Variants in CTNNA3 observed in about 807,000 individuals in gnomAD.
CTNNA3 encodes catenin alpha 3.
CTNNA3 carries 76 observed loss-of-function variants against 95.7 expected under a neutral mutation model. The ratio of observed to expected loss-of-function variants is 0.79; its 90% CI spans 0.66 to 0.96. CTNNA3 has a LOEUF of 0.96. Among genes scored for constraint, CTNNA3 ranks in the 40% least tolerant of loss-of-function variants. The pLI is 0.00. For synonymous variants in CTNNA3, 431 were observed against 374.4 expected (o/e 1.15, Z -1.74); for missense variants, 1,191 against 1,089.8 (o/e 1.09, Z -1.31).
intron 7 of CTNNA3, among the ~76,000 whole-genome samples, chr10:66,938,570 A>G (rs1056088736): frequency 2.0e-5 from 3 of 152,134 alleles, no homozygotes; most frequent in African/African-American, 7.2e-5. Flanking sequence ...GGAGATAGAG[A>G]AGCGATCGGT....
intron 7 of CTNNA3, among the ~76,000 whole-genome samples, chr10:66,802,688 A>T (rs1312154510): frequency 1.3e-5 from 2 of 151,828 alleles, no homozygotes; most frequent in Non-Finnish European, 2.9e-5. Flanking sequence ...AAATATTCAT[A>T]GCCATCTGAA....
At chr10:66,845,703 C>CAAAAAAAAAAAAAAACAA (rs1843224076) in intron 7 of CTNNA3, among the ~76,000 whole-genome samples, 2 of 23,548 alleles carry the variant, frequency 8.5e-5, no homozygotes, top group Non-Finnish European at 2.5e-4. Flanking sequence ...AACTCTGTCT[C>CAAAAAAAAAAAAAAACAA]AAAAAAAAAA....
intron 1 of CTNNA3, among the ~76,000 whole-genome samples, chr10:67,705,639 G>C (rs996341237): frequency 2.9e-5 from 3 of 102,804 alleles, no homozygotes; most frequent in Non-Finnish European, 5.6e-5. Flanking sequence ...GGGGTGGGGG[G>C]AGGGGGGAGG....
chr10:66,328,903 CATATATACATATATATATATATAT>C (rs1411029814), intron 12 of CTNNA3, among the ~76,000 whole-genome samples: 3 of 38,766 alleles, frequency 7.7e-5, no homozygotes, highest in Admixed American at 8.0e-4. Context: ...CACACACACA[CATATATACATATATATATATATAT>C]ATATATACAC....
At chr10:66,096,559 G>C (rs1033295419) in intron 14 of CTNNA3, among the ~76,000 whole-genome samples, 1 of 129,474 alleles carries the variant, frequency 7.7e-6, no homozygotes, top group African/African-American at 2.9e-5. Flanking sequence ...CTCTCACTCT[G>C]TCACCCAGGC....
chr10:66,199,024 T>C lies in CTNNA3; in HGVS notation c.1884+81446A>G, dbSNP rs183537646. 6.6e-5 allele frequency among the ~76,000 whole-genome samples: 10 copies of C among 152,344 alleles called. No individual in the cohort carries two copies. The East Asian group carries it at 1.7e-3, about 26-fold the overall frequency. ...TGAAAATCAAATCTGCCTTTTATCC[T>C]GCCCAAGACAAGTTTTCCTTTTTTG... On this transcript the variant is annotated intron_variant, in intron 13 of 17. Coordinates refer to ENST00000433211, the MANE Select transcript of CTNNA3 (RefSeq NM_013266.4).
chr10:66,259,079 C>T (rs1215089257), intron 13 of CTNNA3, among the ~76,000 whole-genome samples: 7 of 152,104 alleles, frequency 4.6e-5, no homozygotes, highest in Non-Finnish European at 8.8e-5. Flanking sequence ...AATCTTTGGT[C>T]TCTGCCTTTT....
chr10:67,707,038 C>A (rs895286769), intron 1 of CTNNA3, among the ~76,000 whole-genome samples: 8 of 152,132 alleles, frequency 5.3e-5, no homozygotes, highest in Non-Finnish European at 7.4e-5. Context: ...TTCATTCATT[C>A]TTTTCCCTCA....
upstream of CTNNA3, among the ~76,000 whole-genome samples, chr10:67,697,481 G>C (rs1259117929): frequency 6.6e-6 from 1 of 152,146 alleles, no homozygotes; most frequent in African/African-American, 2.4e-5. Flanking sequence ...CATAAGCCTA[G>C]CTTGTCCTGC....
At position 66,038,064 on chromosome 10, in the gene CTNNA3, A is replaced by C. The variant is rs372275002; in HGVS notation, c.2159+31244T>G. Among the ~76,000 whole-genome samples, 72 of 152,338 alleles carry C rather than the reference A, an allele frequency of 4.7e-4. 1 individual carries two copies. The South Asian group carries it at 0.015, about 31-fold the overall frequency. ...AAAATAACATCATTGTCTGTAATAC[A>C]ACTCCACAGGAATACAAGACAAATG... On this transcript the variant is annotated intron_variant, in intron 15 of 17. Transcript: ENST00000433211.
intron 5 of CTNNA3, among the ~76,000 whole-genome samples, chr10:67,383,052 T>C (rs895776122): frequency 6.6e-6 from 1 of 152,144 alleles, no homozygotes; most frequent in African/African-American, 2.4e-5. Context: ...ACTCCATAAG[T>C]TGTTAATGCA....
intron 7 of CTNNA3, among the ~76,000 whole-genome samples, chr10:66,995,986 C>T (rs1027546143): frequency 3.3e-5 from 5 of 152,066 alleles, no homozygotes; most frequent in African/African-American, 1.2e-4. Flanking sequence ...TTCACATTAC[C>T]TTACTATTAT....
chr10:67,617,182 AGTT>A (rs1843682892), intron 2 of CTNNA3, among the ~76,000 whole-genome samples: 1 of 152,198 alleles, frequency 6.6e-6, no homozygotes, highest in Non-Finnish European at 1.5e-5. Context: ...CGTCATGAAA[AGTT>A]GTTGTACAGA....
At chr10:66,298,081 T>C (rs895458185) in intron 12 of CTNNA3, among the ~76,000 whole-genome samples, 4 of 152,192 alleles carry the variant, frequency 2.6e-5, no homozygotes, top group Admixed American at 6.5e-5. Flanking sequence ...TCATTGTTTG[T>C]GTATGTGCAA....
intron 9 of CTNNA3, among the ~76,000 whole-genome samples, chr10:66,647,464 T>C (rs1257253258): frequency 6.6e-6 from 1 of 151,998 alleles, no homozygotes; most frequent in Non-Finnish European, 1.5e-5. Context: ...AGTTAACATT[T>C]AAGTAATTTT....
intron 5 of CTNNA3, among the ~76,000 whole-genome samples, chr10:67,352,736 G>A (rs955961320): frequency 1.3e-5 from 2 of 151,922 alleles, no homozygotes; most frequent in African/African-American, 4.8e-5. Context: ...TAAGCATTCC[G>A]AAATAATGGA....
chr10:66,038,806 T>C (rs2079620546), intron 15 of CTNNA3, among the ~76,000 whole-genome samples: 1 of 152,166 alleles, frequency 6.6e-6, no homozygotes, highest in African/African-American at 2.4e-5. Context: ...GGACAAAAGC[T>C]AGAAGCATTC....
intron 10 of CTNNA3, among the ~76,000 whole-genome samples, chr10:66,534,341 C>T (rs1841573903): frequency 2.0e-5 from 3 of 151,714 alleles, no homozygotes; most frequent in Admixed American, 2.0e-4. Context: ...TTTAAATTGA[C>T]CTGAAACAAA....
intron 9 of CTNNA3, among the ~76,000 whole-genome samples, chr10:66,756,132 A>G (rs943906266): frequency 6.6e-6 from 1 of 152,208 alleles, no homozygotes; most frequent in African/African-American, 2.4e-5. Flanking sequence ...CAACATAGAT[A>G]ATTCTCCTTT....
Sources: allele counts gnomAD v4.1 joint callset (sites outside exome capture counted in the v4.1 genomes callset), GRCh38; gene constraint gnomAD v4.1.1; transcripts MANE v1.5; gene names NCBI Gene and HGNC (gene_info 2026-07-23, HGNC 2026-07-21).